Variants in PTPRQ observed in about 807,000 individuals in gnomAD.
The protein encoded by PTPRQ is protein tyrosine phosphatase receptor type Q.
In PTPRQ, 199 loss-of-function variants were observed where a neutral mutation model predicts 246.0. The observed-to-expected ratio is 0.81, with a 90% CI of 0.72 to 0.91. The LOEUF (loss-of-function observed/expected upper bound fraction) is 0.91. PTPRQ is among the 40% of genes least tolerant of loss of function. PTPRQ has a pLI of 0.00. For synonymous variants in PTPRQ, 869 were observed against 853.2 expected, an observed-to-expected ratio of 1.02 and a Z score of -0.32; for missense variants, 2,624 against 2,528.4, an observed-to-expected ratio of 1.04 and a Z score of -0.81.
intron 6 of PTPRQ, among the ~76,000 whole-genome samples, chr12:80,468,016 A>G (rs922566949): frequency 6.6e-6 from 1 of 152,058 alleles, no homozygotes; most frequent in African/African-American, 2.4e-5. Flanking sequence ...ATAATAATAA[A>G]ATTTTTAAAA....
intron 25 of PTPRQ, among the ~76,000 whole-genome samples, chr12:80,564,505 G>T (rs1896923052): frequency 6.6e-6 from 1 of 152,098 alleles, no homozygotes; most frequent in African/African-American, 2.4e-5. Flanking sequence ...TATCAAGCAG[G>T]ATACTTTTTA....
At chr12:80,492,100 A>G (rs1170586666) in intron 9 of PTPRQ, among the ~76,000 whole-genome samples, 1 of 151,906 alleles carries the variant, frequency 6.6e-6, no homozygotes, top group Non-Finnish European at 1.5e-5. Flanking sequence ...AAAATTTTGA[A>G]CAGGTTTAAA....
At chr12:80,581,010 G>T (rs1897417270) in intron 25 of PTPRQ, among the ~76,000 whole-genome samples, 1 of 152,152 alleles carries the variant, frequency 6.6e-6, no homozygotes, top group Non-Finnish European at 1.5e-5. Context: ...TTACTGTGTA[G>T]CAAAATTTGC....
At position 80,613,480 on chromosome 12, in the gene PTPRQ, T is replaced by G. The variant is rs902476917; in HGVS notation, c.4919-112T>G. 7 of 1,155,772 alleles carry G rather than the reference T, an allele frequency of 6.1e-6. No individual in the cohort carries two copies. The South Asian group carries it at 9.7e-5, about 16-fold the overall frequency. The allele number at this position is 1,155,772 out of a possible 1,614,324, so 71.6% of individuals were successfully genotyped here. ...TTGCTAGTTTTTGCAGTTTATATGG[T>G]TTAATTTGTGGAATACTCTTTAAAA... On this transcript the variant is annotated intron_variant, in intron 28 of 44. Coordinates refer to ENST00000644991, the MANE Select transcript of PTPRQ (RefSeq NM_001145026.2).
chr12:80,609,279 G>C (rs988942115), intron 27 of PTPRQ, among the ~76,000 whole-genome samples: 10 of 128,770 alleles, frequency 7.8e-5, no homozygotes, highest in African/African-American at 4.1e-4. Flanking sequence ...GCAAATCAAT[G>C]TGTGTTTCGC....
rs746376744 is a variant in PTPRQ at position 80,542,345 on chromosome 12, C to T, written c.3702C>T (p.Phe1234=). The part of the protein sequence containing the change: ...RKGLGPSSIL[F]FYTDESVPLA... ...GACTTGGTCCTTCCAGTATTCTTTT[C>T]TTTTACACAGATGAGTCAGGTAAGC... The change falls in exon 22 of 45, where the codon TTC becomes TTT. Residue 1234 remains phenylalanine, a synonymous_variant. Coordinates refer to ENST00000644991, the MANE Select transcript of PTPRQ (RefSeq NM_001145026.2). The T allele has an allele frequency of 3.6e-5, 56 of 1,541,348 alleles. No homozygotes were observed. In the South Asian group the frequency reaches 6.2e-4, roughly 17 times the overall value.
chr12:80,654,019 T>TTTTC (rs200926292), intron 38 of PTPRQ, among the ~76,000 whole-genome samples: 1 of 151,728 alleles, frequency 6.6e-6, no homozygotes, highest in South Asian at 2.1e-4. Context: ...TTCTTTCTTT[T>TTTTC]TTTCTTTCTT....
At chr12:80,553,609 T>C (rs1252001604) in intron 25 of PTPRQ, among the ~76,000 whole-genome samples, 1 of 152,166 alleles carries the variant, frequency 6.6e-6, no homozygotes, top group Non-Finnish European at 1.5e-5. Context: ...ATTTTTTTAA[T>C]GTAAACTTGG....
chr12:80,561,795 A>G (rs1896835177), intron 25 of PTPRQ, among the ~76,000 whole-genome samples: 1 of 152,082 alleles, frequency 6.6e-6, no homozygotes, highest in African/African-American at 2.4e-5. Context: ...GTCTTACTGC[A>G]CTGACTAGAA....
At chr12:80,620,103 A>ATATATT in intron 31 of PTPRQ, 51 bp from the exon 32 acceptor site, 1 of 1,487,480 alleles carries the variant, frequency 6.7e-7, no homozygotes, top group Non-Finnish European at 8.9e-7. Context: ...AATTGTAAAA[A>ATATATT]TATATTCATA....
intron 25 of PTPRQ, among the ~76,000 whole-genome samples, chr12:80,570,560 T>G (rs551746672): frequency 6.6e-6 from 1 of 152,216 alleles, no homozygotes; most frequent in Non-Finnish European, 1.5e-5. Context: ...GATACTTTCT[T>G]TTGCTGTGCA....
At chr12:80,521,692 TG>T (rs1389089114) in intron 17 of PTPRQ, among the ~76,000 whole-genome samples, 1 of 152,214 alleles carries the variant, frequency 6.6e-6, no homozygotes, top group Non-Finnish European at 1.5e-5. Flanking sequence ...GCGTTATTTC[TG>T]AGGGCTCTGT....
chr12:80,458,923 A>T (rs1893060270), intron 4 of PTPRQ, among the ~76,000 whole-genome samples: 1 of 152,148 alleles, frequency 6.6e-6, no homozygotes. Flanking sequence ...TGTATAATTG[A>T]TTCAGTTTGC....
intron 17 of PTPRQ, among the ~76,000 whole-genome samples, chr12:80,519,946 T>C (rs937616059): frequency 2.0e-5 from 3 of 152,058 alleles, no homozygotes; most frequent in Admixed American, 6.6e-5. Flanking sequence ...ATATTGCTTA[T>C]CTTGAGTCCA....
intron 23 of PTPRQ, 128 bp downstream of exon 23, chr12:80,543,009 C>G: frequency 1.5e-6 from 1 of 688,086 alleles, no homozygotes; most frequent in South Asian, 3.2e-5. Context: ...TCTTTATTTC[C>G]TACAATTTAA....
intron 1 of PTPRQ, 95 bp downstream of exon 1, chr12:80,444,494 A>G: frequency 1.3e-6 from 1 of 776,950 alleles, no homozygotes; most frequent in Non-Finnish European, 2.2e-6. Context: ...GTGAACTAGG[A>G]TAGATAGAAA....
chr12:80,470,492 A>G (rs1012440689), intron 7 of PTPRQ, among the ~76,000 whole-genome samples: 2 of 152,180 alleles, frequency 1.3e-5, no homozygotes, highest in African/African-American at 4.8e-5. Flanking sequence ...AATCTTCTAG[A>G]AGAGTAGAGT....
At chr12:80,467,343 A>G (rs943211809) in intron 6 of PTPRQ, among the ~76,000 whole-genome samples, 40 of 152,198 alleles carry the variant, frequency 2.6e-4, no homozygotes, top group Non-Finnish European at 5.0e-4. Flanking sequence ...CAATCATTAA[A>G]AAGTCAGGAA....
At chr12:80,587,165 C>T (rs1897647652) in intron 25 of PTPRQ, among the ~76,000 whole-genome samples, 2 of 152,070 alleles carry the variant, frequency 1.3e-5, no homozygotes, top group African/African-American at 2.4e-5. Flanking sequence ...ATATTAGATG[C>T]TCTTAGATAT....
Sources: allele counts gnomAD v4.1 joint callset (sites outside exome capture counted in the v4.1 genomes callset), GRCh38; gene constraint gnomAD v4.1.1; transcripts MANE v1.5; gene names NCBI Gene and HGNC (gene_info 2026-07-23, HGNC 2026-07-21).